Variants in STARD13 observed in about 807,000 individuals in gnomAD.
STARD13 encodes StAR related lipid transfer domain containing 13.
Under a neutral mutation model 106.4 loss-of-function variants are expected in STARD13, and 62 were observed. That is an observed-to-expected ratio of 0.58 (90% CI 0.48 to 0.72). STARD13 has a LOEUF of 0.72. STARD13 is among the 30% of genes least tolerant of loss of function. The pLI, the probability that STARD13 is intolerant of heterozygous loss-of-function variation, is 0.00. For missense variants in STARD13, 1,387 were observed against 1,424.0 expected (o/e 0.97, Z 0.42); for synonymous variants, 565 against 553.0 (o/e 1.02, Z -0.31).
chr13:33,414,716 T>C, the STARD13 span, among the ~76,000 whole-genome samples: 406 of 152,320 alleles, frequency 2.7e-3, 1 homozygote, highest in Non-Finnish European at 4.2e-3. Flanking sequence ...AAATGTTCTC[T>C]ATCTTGACTG....
chr13:33,636,829 G>A, the STARD13 span, among the ~76,000 whole-genome samples: 1 of 152,130 alleles, frequency 6.6e-6, no homozygotes, highest in Admixed American at 6.6e-5. Flanking sequence ...CACAATCCTC[G>A]TCCAAGTTAT....
chr13:33,582,020 A>G, the STARD13 span, among the ~76,000 whole-genome samples: 1 of 152,122 alleles, frequency 6.6e-6, no homozygotes, highest in Non-Finnish European at 1.5e-5. Flanking sequence ...GGAGATTGGG[A>G]CCATCCTGGC....
chr13:33,559,463 C>G, the STARD13 span, among the ~76,000 whole-genome samples: 2 of 151,372 alleles, frequency 1.3e-5, 1 homozygote, highest in African/African-American at 4.9e-5. Context: ...GCCCTAACTC[C>G]CAATGTGATG....
chr13:33,321,626 T>C (rs1240740613), intron 1 of STARD13, among the ~76,000 whole-genome samples: 1 of 152,208 alleles, frequency 6.6e-6, no homozygotes, highest in Non-Finnish European at 1.5e-5. Context: ...GATTATTAAC[T>C]CCATTTTATA....
the STARD13 span, among the ~76,000 whole-genome samples, chr13:33,528,694 T>C: frequency 6.6e-6 from 1 of 152,102 alleles, no homozygotes; most frequent in Non-Finnish European, 1.5e-5. Flanking sequence ...TGATTCCACA[T>C]CTGAGAAATA....
chr13:33,663,514 A>G, the STARD13 span, among the ~76,000 whole-genome samples: 1 of 152,188 alleles, frequency 6.6e-6, no homozygotes, highest in Non-Finnish European at 1.5e-5. Flanking sequence ...AATATAAGGA[A>G]ACGCCTTTGT....
At chr13:33,419,295 A>G in the STARD13 span, among the ~76,000 whole-genome samples, 2 of 152,216 alleles carry the variant, frequency 1.3e-5, no homozygotes, top group Admixed American at 6.5e-5. Flanking sequence ...GCTGAAAACC[A>G]TGGCACGAGA....
intron 1 of STARD13, among the ~76,000 whole-genome samples, chr13:33,308,698 G>T (rs1265811151): frequency 6.6e-6 from 1 of 151,434 alleles, no homozygotes; most frequent in Non-Finnish European, 1.5e-5. Context: ...TAATTTTTGT[G>T]TTTTTAGTAG....
At chr13:33,389,997 C>T in the STARD13 span, among the ~76,000 whole-genome samples, 1 of 152,066 alleles carries the variant, frequency 6.6e-6, no homozygotes, top group South Asian at 2.1e-4. Flanking sequence ...AATGATCCAC[C>T]CTTCTTTCGT....
At chr13:33,166,588 T>C (rs988693144) in intron 2 of STARD13, among the ~76,000 whole-genome samples, 2 of 152,212 alleles carry the variant, frequency 1.3e-5, no homozygotes, top group Non-Finnish European at 2.9e-5. Context: ...CTGCTCATTG[T>C]TGGGGTCCTG....
the STARD13 span, among the ~76,000 whole-genome samples, chr13:33,417,683 C>T: frequency 5.9e-5 from 9 of 152,046 alleles, no homozygotes; most frequent in African/African-American, 1.2e-4. Flanking sequence ...ACATACTGTA[C>T]GATCCTGTTT....
intron 8 of STARD13, 63 bp from the exon 9 acceptor site, chr13:33,112,994 A>G: frequency 1.5e-6 from 2 of 1,306,530 alleles, no homozygotes; most frequent in South Asian, 1.4e-5. Context: ...GCTGGGAAGC[A>G]CTGTGTAAGC....
At chr13:33,394,140 C>T in the STARD13 span, among the ~76,000 whole-genome samples, 1 of 152,042 alleles carries the variant, frequency 6.6e-6, no homozygotes, top group African/African-American at 2.4e-5. Flanking sequence ...AAATAATTCT[C>T]ACAACCATAT....
chr13:33,170,644 A>C (rs1883850525), intron 1 of STARD13, among the ~76,000 whole-genome samples: 1 of 152,196 alleles, frequency 6.6e-6, no homozygotes, highest in African/African-American at 2.4e-5. Flanking sequence ...AATTAGAAGC[A>C]GCCCTGTCCT....
chr13:33,178,605 C>T (rs1218951548), intron 1 of STARD13, among the ~76,000 whole-genome samples: 2 of 152,210 alleles, frequency 1.3e-5, no homozygotes, highest in Non-Finnish European at 2.9e-5. Context: ...CTTAAACTAA[C>T]AGGAGCCAGG....
chr13:33,208,830 G>A (rs1887558984), intron 1 of STARD13, among the ~76,000 whole-genome samples: 1 of 152,134 alleles, frequency 6.6e-6, no homozygotes, highest in South Asian at 2.1e-4. Flanking sequence ...GGAGGTATTT[G>A]CAGACAGGTG....
chr13:33,323,168 C>T (rs1308976176), intron 1 of STARD13, among the ~76,000 whole-genome samples: 1 of 152,198 alleles, frequency 6.6e-6, no homozygotes, highest in African/African-American at 2.4e-5. Flanking sequence ...TGCCTGCCAG[C>T]CTGGCTCCCA....
chr13:33,199,940 C>T (rs557649217), intron 1 of STARD13, among the ~76,000 whole-genome samples: 3 of 152,224 alleles, frequency 2.0e-5, no homozygotes, highest in African/African-American at 4.8e-5. Flanking sequence ...GTTCTCAGGA[C>T]ACTGTTCTAA....
the STARD13 span, among the ~76,000 whole-genome samples, chr13:33,371,123 T>G: frequency 6.6e-6 from 1 of 152,198 alleles, no homozygotes; most frequent in Admixed American, 6.5e-5. Flanking sequence ...TGTCAATGCT[T>G]CTACCATCTG....
Sources: gnomAD v4.1 joint callset for allele counts (sites outside exome capture counted in the v4.1 genomes callset) on GRCh38, gnomAD v4.1.1 for gene constraint, MANE v1.5 for transcripts, NCBI Gene and HGNC (gene_info 2026-07-23, HGNC 2026-07-21) for gene names.